Variants in VPS13B observed in about 807,000 individuals in gnomAD.
VPS13B encodes the protein vacuolar protein sorting 13 homolog B.
Under a neutral mutation model 426.4 loss-of-function variants are expected in VPS13B, and 285 were observed. That is an observed-to-expected ratio of 0.67 (90% confidence interval 0.61 to 0.74). VPS13B has a LOEUF of 0.74. VPS13B is among the 30% of genes least tolerant of loss of function. The pLI, the probability that VPS13B is intolerant of heterozygous loss-of-function variation, is 0.00. For synonymous variants in VPS13B, 1,676 were observed against 1,676.4 expected (o/e 1.00, Z 0.01); for missense variants, 4,537 against 4,782.6 (o/e 0.95, Z 1.51).
intron 23 of VPS13B, among the ~76,000 whole-genome samples, chr8:99,445,583 C>A (rs903901683): frequency 3.3e-5 from 5 of 150,354 alleles, no homozygotes; most frequent in African/African-American, 1.2e-4. Context: ...AAAAAGTTTT[C>A]CTGTGCTATG....
chr8:99,597,686 GA>G (rs1827087292), intron 33 of VPS13B, among the ~76,000 whole-genome samples: 1 of 152,016 alleles, frequency 6.6e-6, no homozygotes, highest in South Asian at 2.1e-4. Context: ...AGTGGACAGA[GA>G]AAATGGTCCT....
intron 21 of VPS13B, among the ~76,000 whole-genome samples, chr8:99,415,082 T>A (rs1815921542): frequency 6.6e-6 from 1 of 152,110 alleles, no homozygotes; most frequent in African/African-American, 2.4e-5. Flanking sequence ...TAGTCCCATA[T>A]TTCTTGGAGG....
chr8:99,136,804 G>T (rs144337936), intron 12 of VPS13B, 52 bp downstream of exon 12: 1 of 1,563,316 alleles, frequency 6.4e-7, no homozygotes, highest in South Asian at 1.1e-5. Context: ...CTGAAACAAA[G>T]CCTTCCTCAG....
chr8:99,691,973 A>G (rs1041676981), intron 35 of VPS13B, among the ~76,000 whole-genome samples: 27 of 152,212 alleles, frequency 1.8e-4, no homozygotes, highest in African/African-American at 6.5e-4. Context: ...TAAAGGGATC[A>G]ATTCAACAAG....
At chr8:99,624,016 T>A (rs1361398761) in intron 33 of VPS13B, among the ~76,000 whole-genome samples, 1,758 of 137,414 alleles carry the variant, frequency 0.013, 9 homozygotes, top group East Asian at 0.018. Flanking sequence ...TATTTTTTTT[T>A]TTTTTTTTTT....
At chr8:99,671,203 T>C (rs1158379510) in intron 35 of VPS13B, among the ~76,000 whole-genome samples, 1 of 152,204 alleles carries the variant, frequency 6.6e-6, no homozygotes, top group Non-Finnish European at 1.5e-5. Context: ...TGGTCTTTCA[T>C]GATTTTGATT....
chr8:99,285,186 A>G (rs541198764), intron 19 of VPS13B, among the ~76,000 whole-genome samples: 19 of 152,102 alleles, frequency 1.2e-4, no homozygotes, highest in Non-Finnish European at 2.8e-4. Context: ...TAGTTTCGTT[A>G]TTCTCCTTCC....
chr8:99,736,037 T>C (rs1156680379), intron 39 of VPS13B, among the ~76,000 whole-genome samples: 1 of 152,120 alleles, frequency 6.6e-6, no homozygotes, highest in African/African-American at 2.4e-5. Flanking sequence ...AGCAGTAGAG[T>C]AATGGTAAAA....
At position 99,381,198 on chromosome 8, in the gene VPS13B, C is replaced by G. The variant is rs552964211; in HGVS notation, c.2825-3010C>G. Among the ~76,000 whole-genome samples the G allele has an allele frequency of 2.5e-4, 38 of 152,240 alleles. 1 individual carries two copies. Among genetic ancestry groups the G allele is most frequent in the African/African-American group, 7.0e-4 (29 of 41,552 alleles). ...GCATTAGTTTGCTAAGGATAATGGC[C>G]TCCAGCTTTATCCATGTTCCTGCAA... On this transcript the variant is annotated intron_variant, in intron 19 of 61. Transcript: ENST00000357162.
At chr8:99,492,956 A>G (rs1049397385) in intron 25 of VPS13B, among the ~76,000 whole-genome samples, 1 of 152,144 alleles carries the variant, frequency 6.6e-6, no homozygotes, top group Non-Finnish European at 1.5e-5. Flanking sequence ...CGTCGATCTC[A>G]CTGGGAGCTG....
At position 99,871,120 on chromosome 8, in the gene VPS13B, G is replaced by T; in HGVS notation, c.11495+233G>T. On this transcript the variant is annotated intron_variant, in intron 60 of 61. Transcript: ENST00000357162. ...TTCCGTACCTAACCACTCAAGGAAG[G>T]TCATACATTGGCAGAGAAACCCAGT... The T allele has an allele frequency of 9.9e-6, 6 of 604,672 alleles. No individual in the cohort carries two copies. In the South Asian group the frequency reaches 1.2e-4, roughly 12 times the overall value. The allele number at this position is 604,672 out of a possible 1,614,324, so 37.5% of individuals were successfully genotyped here.
chr8:99,577,419 A>G (rs892924829), intron 32 of VPS13B, 71 bp from the exon 33 acceptor site: 80 of 1,603,040 alleles, frequency 5.0e-5, no homozygotes, highest in Non-Finnish European at 6.2e-5. Context: ...AGGTCAAATA[A>G]GTAAGAATGA....
chr8:99,612,868 T>TC (rs757328290), intron 33 of VPS13B, among the ~76,000 whole-genome samples: 46 of 152,134 alleles, frequency 3.0e-4, no homozygotes, highest in Non-Finnish European at 5.4e-4. Context: ...CTGACCCCCC[T>TC]CCCTATTTTC....
chr8:99,624,899 C>T (rs552701322), intron 33 of VPS13B, among the ~76,000 whole-genome samples: 4 of 151,694 alleles, frequency 2.6e-5, no homozygotes, highest in Non-Finnish European at 4.4e-5. Flanking sequence ...CTCACCACAA[C>T]GTCCGCCTCC....
chr8:99,357,766 G>A (rs888662749), intron 19 of VPS13B, among the ~76,000 whole-genome samples: 4 of 152,024 alleles, frequency 2.6e-5, no homozygotes, highest in Non-Finnish European at 5.9e-5. Flanking sequence ...AGATCTTTTA[G>A]GGTTGCTGTG....
intron 17 of VPS13B, among the ~76,000 whole-genome samples, chr8:99,270,881 G>A (rs1306119456): frequency 6.6e-6 from 1 of 152,048 alleles, no homozygotes; most frequent in East Asian, 1.9e-4. Flanking sequence ...ATTGATTATA[G>A]CTCCCTGCAA....
chr8:99,063,270 G>A (rs1029765018), intron 3 of VPS13B, among the ~76,000 whole-genome samples: 5 of 152,208 alleles, frequency 3.3e-5, no homozygotes, highest in African/African-American at 1.2e-4. Flanking sequence ...GCGGGGCGTC[G>A]CCTCACCCGG....
chr8:99,075,986 G>A (rs1384494447), intron 3 of VPS13B, among the ~76,000 whole-genome samples: 2 of 151,828 alleles, frequency 1.3e-5, no homozygotes, highest in Admixed American at 6.6e-5. Flanking sequence ...CTTTTTTGTT[G>A]TAGGCATTTA....
chr8:99,861,111 C>A (rs1816808668), intron 57 of VPS13B, among the ~76,000 whole-genome samples: 1 of 152,182 alleles, frequency 6.6e-6, no homozygotes, highest in Non-Finnish European at 1.5e-5. Flanking sequence ...CAGATTTTAA[C>A]CTTCAAAATT....
Sources: gnomAD v4.1 joint callset for allele counts (sites outside exome capture counted in the v4.1 genomes callset) on GRCh38, gnomAD v4.1.1 for gene constraint, MANE v1.5 for transcripts, NCBI Gene and HGNC (gene_info 2026-07-23, HGNC 2026-07-21) for gene names.